Variants in DLGAP2 observed in about 807,000 individuals in gnomAD.
DLGAP2 encodes disks large-associated protein 2.
DLGAP2 carries 26 observed loss-of-function variants against 100.3 expected under a neutral mutation model. The observed-to-expected ratio is 0.26, with a 90% CI of 0.19 to 0.36. The LOEUF (loss-of-function observed/expected upper bound fraction) is 0.36, where lower values mean the gene tolerates loss of function less well. Among genes scored for constraint, DLGAP2 ranks in the 10% least tolerant of loss-of-function variants. The pLI is 1.00. For synonymous variants in DLGAP2, 886 were observed against 630.1 expected, an observed-to-expected ratio of 1.41 and a Z score of -6.08; for missense variants, 1,858 against 1,453.2, an observed-to-expected ratio of 1.28 and a Z score of -4.53.
chr8:1,629,845 G>A (rs1293818772), intron 7 of DLGAP2, among the ~76,000 whole-genome samples: 2 of 152,190 alleles, frequency 1.3e-5, no homozygotes, highest in African/African-American at 4.8e-5. Flanking sequence ...AACATTCAGA[G>A]GCTCTTTGCG....
chr8:1,416,871 C>T (rs993454618), intron 3 of DLGAP2, among the ~76,000 whole-genome samples: 3 of 152,220 alleles, frequency 2.0e-5, no homozygotes, highest in Non-Finnish European at 1.5e-5. Flanking sequence ...CGTTCTCTCC[C>T]TAAAACCTGT....
chr8:1,198,494 A>G (rs936692716), intron 2 of DLGAP2, among the ~76,000 whole-genome samples: 2 of 152,084 alleles, frequency 1.3e-5, no homozygotes, highest in African/African-American at 4.8e-5. Context: ...CCTGTGGTCC[A>G]GAAGGATGAG....
chr8:1,185,239 G>A (rs1377980280), intron 2 of DLGAP2, among the ~76,000 whole-genome samples: 1 of 152,028 alleles, frequency 6.6e-6, no homozygotes, highest in Non-Finnish European at 1.5e-5. Context: ...GTATTTTCTA[G>A]CCCGATATAA....
chr8:1,046,261 A>G (rs138182346), intron 2 of DLGAP2, among the ~76,000 whole-genome samples: 46 of 152,308 alleles, frequency 3.0e-4, no homozygotes, highest in African/African-American at 9.9e-4. Flanking sequence ...AATGAAATCC[A>G]TGCCATAGGA....
intron 2 of DLGAP2, among the ~76,000 whole-genome samples, chr8:1,257,779 T>G (rs1262508293): frequency 6.6e-6 from 1 of 151,996 alleles, no homozygotes; most frequent in Non-Finnish European, 1.5e-5. Context: ...CGAGGGCCCG[T>G]GCAGGCCAGT....
At chr8:1,469,291 C>G (rs76675289) in intron 3 of DLGAP2, among the ~76,000 whole-genome samples, 1 of 152,220 alleles carries the variant, frequency 6.6e-6, no homozygotes, top group Non-Finnish European at 1.5e-5. Context: ...AGGACAACAC[C>G]TTGCGGCATT....
intron 8 of DLGAP2, among the ~76,000 whole-genome samples, chr8:1,661,693 G>A (rs1414445039): frequency 6.6e-6 from 1 of 152,188 alleles, no homozygotes; most frequent in East Asian, 1.9e-4. Flanking sequence ...GTGATCTGGT[G>A]AATTGGAGCT....
intron 3 of DLGAP2, among the ~76,000 whole-genome samples, chr8:1,409,695 A>C (rs1264881774): frequency 6.6e-6 from 1 of 151,996 alleles, no homozygotes; most frequent in Non-Finnish European, 1.5e-5. Flanking sequence ...AGCAGACCCC[A>C]CCCCAGTGCA....
At chr8:1,215,097 C>G (rs1293214960) in intron 2 of DLGAP2, among the ~76,000 whole-genome samples, 3 of 152,130 alleles carry the variant, frequency 2.0e-5, no homozygotes. Flanking sequence ...TAAAGGTCGT[C>G]AAGTGAGGAA....
chr8:863,227 T>G (rs1467395656), intron 1 of DLGAP2, among the ~76,000 whole-genome samples: 1 of 152,128 alleles, frequency 6.6e-6, no homozygotes. Context: ...GGACTGGAAA[T>G]TGGGGTCTGG....
intron 1 of DLGAP2, chr8:738,436 C>A (rs1459747989): frequency 6.6e-6 from 1 of 152,302 alleles, no homozygotes; most frequent in East Asian, 2.0e-4. Flanking sequence ...AGGGGGTGGC[C>A]GCCGCCCGGC....
intron 3 of DLGAP2, among the ~76,000 whole-genome samples, chr8:1,485,335 G>T (rs1799210636): frequency 6.6e-6 from 1 of 152,140 alleles, no homozygotes; most frequent in Admixed American, 6.5e-5. Flanking sequence ...CTAGAGCATA[G>T]GCAGGACTTA....
intron 2 of DLGAP2, among the ~76,000 whole-genome samples, chr8:1,173,438 G>T (rs1342429636): frequency 2.0e-5 from 3 of 152,206 alleles, no homozygotes; most frequent in Admixed American, 6.5e-5. Context: ...ATTTAAGTCT[G>T]CAGAGGCTAC....
At position 767,027 on chromosome 8, in the gene DLGAP2, G is replaced by T. The variant is rs191691480; in HGVS notation, c.18+29202G>T. The stretch of plus-strand genomic sequence containing the variant: ...ATGAGATGGGAAAGCCAGGCTCTGA[G>T]ATTCTGGATGACGAAGATCCTCAAG... On this transcript the variant is annotated intron_variant, in intron 1 of 14. Coordinates refer to ENST00000637795, the MANE Select transcript of DLGAP2 (RefSeq NM_001346810.2). 2.2e-3 allele frequency among the ~76,000 whole-genome samples: 330 copies of T among 152,326 alleles called. 2 individuals are homozygous for T. The highest frequency in any genetic ancestry group is 0.014 in the Middle Eastern group (4 of 294).
chr8:1,534,377 T>C (rs867130616), intron 4 of DLGAP2, among the ~76,000 whole-genome samples: 1 of 152,366 alleles, frequency 6.6e-6, no homozygotes, highest in Middle Eastern at 3.4e-3. Flanking sequence ...AGTCATTGTT[T>C]TCTAATGTTA....
At chr8:1,524,302 GGAC>G (rs1277152681) in intron 4 of DLGAP2, among the ~76,000 whole-genome samples, 1 of 152,120 alleles carries the variant, frequency 6.6e-6, no homozygotes, top group African/African-American at 2.4e-5. Context: ...TCTCTTTAGG[GGAC>G]AACACAGACC....
intron 3 of DLGAP2, among the ~76,000 whole-genome samples, chr8:1,498,383 A>T (rs542170211): frequency 3.9e-5 from 6 of 151,942 alleles, no homozygotes; most frequent in African/African-American, 1.5e-4. Context: ...AATAAATAAA[A>T]AAAAAAAAAT....
intron 1 of DLGAP2, among the ~76,000 whole-genome samples, chr8:849,564 A>G (rs1797141779): frequency 6.6e-6 from 1 of 152,122 alleles, no homozygotes; most frequent in Admixed American, 6.5e-5. Flanking sequence ...TTGGGTTTCT[A>G]CCAGCCTTGC....
chr8:1,166,707 A>G (rs531411054), intron 2 of DLGAP2, among the ~76,000 whole-genome samples: 16 of 152,288 alleles, frequency 1.1e-4, no homozygotes, highest in African/African-American at 3.8e-4. Context: ...GTGAACGTGT[A>G]TCTATCAAAA....
Sources: allele counts gnomAD v4.1 joint callset (sites outside exome capture counted in the v4.1 genomes callset), GRCh38; gene constraint gnomAD v4.1.1; transcripts MANE v1.5; gene names NCBI Gene and HGNC (gene_info 2026-07-23, HGNC 2026-07-21).